The following SPSB1 variants were observed in gnomAD, a reference collection of about 807,000 sequenced individuals.
SPSB1 encodes the protein SPRY domain-containing SOCS box protein 1.
SPSB1 carries 8 observed loss-of-function variants against 21.2 expected under a neutral mutation model. The observed-to-expected ratio is 0.38, with a 90% CI of 0.22 to 0.68. SPSB1 has a LOEUF of 0.68. Ranked by LOEUF, SPSB1 falls within the 30% of genes least tolerant of loss-of-function variation. SPSB1 has a pLI of 0.53. For missense variants in SPSB1, 242 were observed against 377.8 expected (o/e 0.64, Z 2.98); for synonymous variants, 169 against 161.7 (o/e 1.05, Z -0.34).
chr1:9,356,140 C>T lies in SPSB1; in HGVS notation c.249C>T (p.Ser83=), dbSNP rs138269351. The change falls in exon 2 of 3, where the codon AGC becomes AGT. Residue 83 remains serine, a synonymous_variant. Transcript: ENST00000328089. This position sits in a 1 kb window ranked among gnomAD's most constrained non-coding sequence, Gnocchi z 7.4. ...LIFHRHPVAQ[S]TDAIRGKVGY... is the part of the protein sequence containing the mutation. Reference sequence around the variant, plus strand: ...TTCACCGGCATCCGGTGGCCCAGAGCACGGACGCTATCAGGGGCAAAGTCG... The same window carrying T: ...TTCACCGGCATCCGGTGGCCCAGAGTACGGACGCTATCAGGGGCAAAGTCG... 201 of 1,594,034 alleles carry T rather than the reference C, an allele frequency of 1.3e-4. No individual in the cohort carries two copies. The African/African-American group carries it at 2.5e-3, about 20-fold the overall frequency.
intron 1 of SPSB1, among the ~76,000 whole-genome samples, chr1:9,301,658 C>T (rs142661774): frequency 6.6e-6 from 1 of 152,314 alleles, no homozygotes; most frequent in Non-Finnish European, 1.5e-5. Flanking sequence ...CCCCTGTCAT[C>T]GCCTGGTGGG....
chr1:9,297,776 T>A (rs1282040528), intron 1 of SPSB1, among the ~76,000 whole-genome samples: 2 of 152,000 alleles, frequency 1.3e-5, no homozygotes, highest in Admixed American at 1.3e-4. Context: ...TAGGCTTAGG[T>A]TTCATGTAGA....
At chr1:9,303,210 C>A (rs2100462658) in intron 1 of SPSB1, among the ~76,000 whole-genome samples, 1 of 152,232 alleles carries the variant, frequency 6.6e-6, no homozygotes, top group African/African-American at 2.4e-5. Flanking sequence ...GTTAGTATTA[C>A]CATGCCCTGT....
intron 1 of SPSB1, among the ~76,000 whole-genome samples, chr1:9,354,381 G>A (rs1265408732): frequency 6.6e-6 from 1 of 152,168 alleles, no homozygotes; most frequent in African/African-American, 2.4e-5. Context: ...ACGGGAGCCT[G>A]CCTTGCCCCT....
intron 1 of SPSB1, among the ~76,000 whole-genome samples, chr1:9,296,594 A>ACACACATACACAAATGTGTGCATG (rs111651835): frequency 4.6e-5 from 7 of 151,968 alleles, no homozygotes; most frequent in Admixed American, 1.3e-4. Context: ...ACATGTGTAC[A>ACACACATACACAAATGTGTGCATG]CACACATACA....
At chr1:9,315,242 C>A (rs1557449186) in intron 1 of SPSB1, among the ~76,000 whole-genome samples, 1 of 152,202 alleles carries the variant, frequency 6.6e-6, no homozygotes, top group Non-Finnish European at 1.5e-5. Flanking sequence ...GGCTGGGAAC[C>A]AGCTCAGCAG....
At chr1:9,304,506 A>G (rs913897838) in intron 1 of SPSB1, among the ~76,000 whole-genome samples, 4 of 152,260 alleles carry the variant, frequency 2.6e-5, no homozygotes, top group African/African-American at 9.6e-5. Context: ...GGCCAGGGAG[A>G]TGGCGGTTCA....
In SPSB1 at chr1:9,321,976, A is replaced by G. The variant is rs964990801; in HGVS notation, c.-150+28905A>G. 3.6e-4 allele frequency among the ~76,000 whole-genome samples: 54 copies of G among 152,082 alleles called. No homozygotes were observed. Among genetic ancestry groups the G allele is most frequent in the African/African-American group, 1.3e-3 (54 of 41,408 alleles). ...ACCTCTAACCCTGTGGGGGACAACC[A>G]CAATGTCTGTTTTATAGATGGGCCC... is the stretch of plus-strand genomic sequence containing the variant. On this transcript the variant is annotated intron_variant, in intron 1 of 2. Transcript: ENST00000328089. This position sits in a 1 kb window ranked among gnomAD's most constrained non-coding sequence, Gnocchi z 4.8.
chr1:9,334,328 C>T (rs904607518), intron 1 of SPSB1, among the ~76,000 whole-genome samples: 1 of 152,060 alleles, frequency 6.6e-6, no homozygotes, highest in East Asian at 1.9e-4. Context: ...TCAGGTGATC[C>T]GCCCGCCTCA....
chr1:9,337,578 C>G (rs1274567958), intron 1 of SPSB1, among the ~76,000 whole-genome samples: 3 of 152,162 alleles, frequency 2.0e-5, no homozygotes, highest in Admixed American at 6.5e-5. Flanking sequence ...GGCTTTTCTC[C>G]CCTTCAGCTG....
At chr1:9,365,552 G>A (rs956896333) in intron 2 of SPSB1, among the ~76,000 whole-genome samples, 5 of 148,142 alleles carry the variant, frequency 3.4e-5, no homozygotes, top group South Asian at 2.2e-4. Context: ...ATCCAATTCA[G>A]TGGCCTCTTG....
chr1:9,349,904 C>G (rs1640228846), intron 1 of SPSB1, among the ~76,000 whole-genome samples: 1 of 152,138 alleles, frequency 6.6e-6, no homozygotes, highest in Non-Finnish European at 1.5e-5. Flanking sequence ...GGAGGACGGT[C>G]CTGCAGTTAG....
intron 1 of SPSB1, among the ~76,000 whole-genome samples, chr1:9,307,102 A>AT (rs1639428586): frequency 6.6e-6 from 1 of 151,126 alleles, no homozygotes; most frequent in Admixed American, 6.6e-5. Context: ...TAATTTTTGT[A>AT]TTTTTAGTAG....
At position 9,355,987 on chromosome 1, in the gene SPSB1, C is replaced by T. The variant is rs865970296; in HGVS notation, c.96C>T (p.Cys32=). 6.2e-7 allele frequency: 1 copy of T among 1,614,112 alleles called. No individual in the cohort carries two copies. The highest frequency in any genetic ancestry group is 8.5e-7 in the Non-Finnish European group (1 of 1,180,020). The change falls in exon 2 of 3, where the codon TGC becomes TGT. Residue 32 remains cysteine (C), a synonymous_variant. Coordinates refer to ENST00000328089, the MANE Select transcript of SPSB1 (RefSeq NM_025106.4). ...AGGAGCTCCAGGGTCTGGATTACTGCAAGCCCACCCGGCTGGATCTGCTAC... is the reference window on the plus strand; with the variant it reads ...AGGAGCTCCAGGGTCTGGATTACTGTAAGCCCACCCGGCTGGATCTGCTAC... The part of the protein sequence containing the change: ...LKQELQGLDY[C]KPTRLDLLLD...
At chr1:9,330,721 G>A (rs1479296566) in intron 1 of SPSB1, among the ~76,000 whole-genome samples, 1 of 146,920 alleles carries the variant, frequency 6.8e-6, no homozygotes, top group African/African-American at 2.5e-5. Flanking sequence ...TTTTTTAATC[G>A]TGGTAAAACA....
intron 1 of SPSB1, among the ~76,000 whole-genome samples, chr1:9,302,844 A>G (rs1432270710): frequency 6.6e-6 from 1 of 152,192 alleles, no homozygotes; most frequent in Admixed American, 6.5e-5. Flanking sequence ...TCACGGGTCC[A>G]GGAATCAAGG....
intron 1 of SPSB1, among the ~76,000 whole-genome samples, chr1:9,307,819 C>G (rs1162739259): frequency 6.6e-6 from 1 of 152,194 alleles, no homozygotes; most frequent in African/African-American, 2.4e-5. Context: ...TCAGCAGTTC[C>G]CATTGCTATT....
chr1:9,354,677 G>C (rs1227548605), intron 1 of SPSB1, among the ~76,000 whole-genome samples: 1 of 152,090 alleles, frequency 6.6e-6, no homozygotes, highest in Non-Finnish European at 1.5e-5. Context: ...GCCAGGCATG[G>C]TGGTGGGTGC....
chr1:9,307,921 C>G lies in SPSB1; in HGVS notation c.-150+14850C>G, dbSNP rs377460219. On this transcript the variant is annotated intron_variant, in intron 1 of 2. Transcript: ENST00000328089. ...TGCCACTCCCTCCTCGCCATGGTCCCCCTCAACTGTGATGCCAGAGGTGCC... is the reference window on the plus strand; with the variant it reads ...TGCCACTCCCTCCTCGCCATGGTCCGCCTCAACTGTGATGCCAGAGGTGCC... 2.4e-4 allele frequency among the ~76,000 whole-genome samples: 37 copies of G among 152,254 alleles called. 2 individuals are homozygous for G. In the South Asian group the frequency reaches 7.7e-3, roughly 32 times the overall value.
Sources: allele counts gnomAD v4.1 joint callset (sites outside exome capture counted in the v4.1 genomes callset), GRCh38; gene constraint gnomAD v4.1.1; non-coding constraint Gnocchi (gnomAD v3.1); transcripts MANE v1.5; gene names NCBI Gene and HGNC (gene_info 2026-07-23, HGNC 2026-07-21).